The following PARD6G variants were observed in gnomAD, a reference collection of about 807,000 sequenced individuals.
The protein encoded by PARD6G is par-6 family cell polarity regulator gamma.
A neutral mutation model predicts 10.7 loss-of-function variants in PARD6G; 7 were observed. The ratio of observed to expected loss-of-function variants is 0.66; its 90% confidence interval spans 0.37 to 1.23. PARD6G has a LOEUF of 1.23. PARD6G is among the 50% of genes most tolerant of loss of function. PARD6G has a pLI of 0.02. For synonymous variants in PARD6G, 287 were observed against 269.4 expected (o/e 1.07, Z -0.64); for missense variants, 548 against 571.8 (o/e 0.96, Z 0.42).
intron 2 of PARD6G, chr18:80,171,082 G>A (rs1164279167): frequency 6.6e-6 from 1 of 152,108 alleles, no homozygotes; most frequent in Non-Finnish European, 1.5e-5. Flanking sequence ...CAAGTAATCT[G>A]TACTCACTAT....
chr18:80,204,381 T>C (rs1244896785), intron 1 of PARD6G, among the ~76,000 whole-genome samples: 1 of 152,090 alleles, frequency 6.6e-6, no homozygotes, highest in Admixed American at 6.6e-5. Flanking sequence ...AATCTGCATT[T>C]TAACAAGTTC....
chr18:80,196,890 TAAAAAAAAAA>T (rs572719232), intron 2 of PARD6G, among the ~76,000 whole-genome samples: 7 of 88,028 alleles, frequency 8.0e-5, no homozygotes, highest in South Asian at 9.5e-4. Flanking sequence ...TTTCTTTTAT[TAAAAAAAAAA>T]AAAAAAAAAA....
intron 2 of PARD6G, among the ~76,000 whole-genome samples, chr18:80,193,375 T>A (rs1464196201): frequency 6.6e-6 from 1 of 152,222 alleles, no homozygotes; most frequent in Non-Finnish European, 1.5e-5. Context: ...ACCCTTTGAT[T>A]TGAAATTTCT....
At chr18:80,211,068 AT>A (rs779395143) in intron 1 of PARD6G, among the ~76,000 whole-genome samples, 1 of 151,514 alleles carries the variant, frequency 6.6e-6, no homozygotes, top group South Asian at 2.1e-4. Flanking sequence ...ACCCAGTAGC[AT>A]TTTTTTCTTT....
At chr18:80,204,717 G>A (rs1171998555) in intron 1 of PARD6G, among the ~76,000 whole-genome samples, 2 of 152,052 alleles carry the variant, frequency 1.3e-5, no homozygotes, top group African/African-American at 4.8e-5. Context: ...GGGAGGCCAA[G>A]GCGGGCAGAT....
chr18:80,157,551 A>ACTTC lies in PARD6G; in HGVS notation c.*2219_*2220insGAAG, dbSNP rs57167332. 1.9e-5 allele frequency: 1 copy of ACTTC among 51,322 alleles called. No homozygotes were observed. The highest frequency in any genetic ancestry group is 4.3e-5 in the African/African-American group (1 of 23,412). The allele number at this position is 51,322 out of a possible 1,614,324, so 3.2% of individuals were successfully genotyped here. A position where few individuals can be genotyped will look rare whatever the true frequency, so the allele number is the denominator to read the frequency against. On this transcript the variant is annotated 3_prime_UTR_variant, in exon 3 of 3. Coordinates refer to ENST00000353265, the MANE Select transcript of PARD6G (RefSeq NM_032510.4). ...AACAGACATTCAAGAATCAGCAATA[A>ACTTC]CTTAGTAAAAGAACATTTCCTTTGT... is the stretch of plus-strand genomic sequence containing the variant.
intron 1 of PARD6G, among the ~76,000 whole-genome samples, chr18:80,209,174 T>C (rs55956571): frequency 0.19 from 28,746 of 151,664 alleles, 2,927 homozygotes; most frequent in Middle Eastern, 0.29. Flanking sequence ...CACTATGAGC[T>C]GTATCATTTC....
chr18:80,246,613 G>A lies in PARD6G; in HGVS notation c.72+664C>T, dbSNP rs1967551620. 6.7e-6 allele frequency among the ~76,000 whole-genome samples: 1 copy of A among 148,288 alleles called. No homozygotes were observed. The highest frequency in any genetic ancestry group is 1.5e-5 in the Non-Finnish European group (1 of 66,452). Reference sequence around the variant, plus strand: ...GCGCGTCCGGAGGTGGGGGAGTCTGGGGTGGGGGCGCGCCCGTGGGGGTGG... The same window carrying A: ...GCGCGTCCGGAGGTGGGGGAGTCTGAGGTGGGGGCGCGCCCGTGGGGGTGG... On this transcript the variant is annotated intron_variant, in intron 1 of 2. Coordinates refer to ENST00000353265, the MANE Select transcript of PARD6G (RefSeq NM_032510.4). The surrounding 1 kb of genome is among the most constrained non-coding windows in gnomAD (Gnocchi z 6.7).
intron 1 of PARD6G, among the ~76,000 whole-genome samples, chr18:80,235,808 T>C (rs1261458703): frequency 3.3e-5 from 5 of 152,192 alleles, no homozygotes; most frequent in African/African-American, 1.2e-4. Context: ...CAGGAAGAAG[T>C]TGAATCTCTG....
intron 2 of PARD6G, among the ~76,000 whole-genome samples, chr18:80,176,750 C>A (rs562337624): frequency 1.5e-4 from 23 of 152,328 alleles, no homozygotes; most frequent in Non-Finnish European, 2.9e-4. Flanking sequence ...GCAAACAGCT[C>A]ACTAAAGTGG....
rs981160811 is a variant in PARD6G at position 80,181,159 on chromosome 18, T to A, written c.296-20553A>T. On this transcript the variant is annotated intron_variant, in intron 2 of 2. Coordinates refer to ENST00000353265, the MANE Select transcript of PARD6G (RefSeq NM_032510.4). This position sits in a 1 kb window ranked among gnomAD's most constrained non-coding sequence, Gnocchi z 7.9. ...GGGGCGCCACCCTGAAGGCTCAGTCTGTGTGGCAATGACACCCACAGACAA... is the reference window on the plus strand; with the variant it reads ...GGGGCGCCACCCTGAAGGCTCAGTCAGTGTGGCAATGACACCCACAGACAA... Among the ~76,000 whole-genome samples, 20 of 152,284 alleles carry A rather than the reference T, an allele frequency of 1.3e-4. No individual in the cohort carries two copies. Among genetic ancestry groups the A allele is most frequent in the South Asian group, 2.1e-4 (1 of 4,830 alleles).
At chr18:80,190,960 T>G (rs1966891813) in intron 2 of PARD6G, among the ~76,000 whole-genome samples, 1 of 152,126 alleles carries the variant, frequency 6.6e-6, no homozygotes, top group African/African-American at 2.4e-5. Context: ...CCTATAGCCC[T>G]GGGAACGACC....
rs1966910492 is a variant in PARD6G, at chr18:80,192,756, T to C, written c.295+9954A>G. Among the ~76,000 whole-genome samples the C allele has an allele frequency of 6.6e-6, 1 of 151,892 alleles. No homozygotes were observed. Among genetic ancestry groups the C allele is most frequent in the Admixed American group, 6.5e-5 (1 of 15,270 alleles). On this transcript the variant is annotated intron_variant, in intron 2 of 2. Coordinates refer to ENST00000353265, the MANE Select transcript of PARD6G (RefSeq NM_032510.4). The surrounding 1 kb of genome is among the most constrained non-coding windows in gnomAD (Gnocchi z 4.9). The stretch of plus-strand genomic sequence containing the variant: ...GAGATGAGGGTCAACCAGTCCCAAA[T>C]CTCCACTGTTCATTATCTCCTCCTC...
intron 2 of PARD6G, among the ~76,000 whole-genome samples, chr18:80,166,477 T>C (rs2052737130): frequency 1.3e-5 from 2 of 149,806 alleles, no homozygotes; most frequent in Non-Finnish European, 3.0e-5. Context: ...AATCTCCACC[T>C]CCCTTAGAAT....
At chr18:80,176,448 T>G (rs2052808234) in intron 2 of PARD6G, among the ~76,000 whole-genome samples, 1 of 152,192 alleles carries the variant, frequency 6.6e-6, no homozygotes, top group Admixed American at 6.5e-5. Flanking sequence ...CAATGTATAC[T>G]TCCTACTCCC....
At chr18:80,177,082 G>GCA (rs1217419393) in intron 2 of PARD6G, among the ~76,000 whole-genome samples, 18 of 104,490 alleles carry the variant, frequency 1.7e-4, no homozygotes, top group South Asian at 3.3e-4. Flanking sequence ...TGGAAAGCGC[G>GCA]CACACACACA....
intron 2 of PARD6G, among the ~76,000 whole-genome samples, chr18:80,196,913 A>G (rs1348402813): frequency 2.6e-5 from 4 of 151,214 alleles, no homozygotes; most frequent in African/African-American, 9.7e-5. Flanking sequence ...AAAAAAAAAA[A>G]AAAAGAAAAT....
rs1472230633 is a variant in PARD6G at position 80,192,376 on chromosome 18, G to T, written c.295+10334C>A. 6.6e-6 allele frequency among the ~76,000 whole-genome samples: 1 copy of T among 152,148 alleles called. No individual in the cohort carries two copies. The highest frequency in any genetic ancestry group is 1.5e-5 in the Non-Finnish European group (1 of 68,038). On this transcript the variant is annotated intron_variant, in intron 2 of 2. Transcript: ENST00000353265. This position sits in a 1 kb window ranked among gnomAD's most constrained non-coding sequence, Gnocchi z 4.9. ...ATCTGTTTTGGAGCCCTTAGGTGAG[G>T]CCTCAACTGAATGCCAACCCTAACT... is the stretch of plus-strand genomic sequence containing the variant.
rs542430638 is a variant in PARD6G at position 80,183,161 on chromosome 18, A to C, written c.295+19549T>G. On this transcript the variant is annotated intron_variant, in intron 2 of 2. Transcript: ENST00000353265. This position sits in a 1 kb window ranked among gnomAD's most constrained non-coding sequence, Gnocchi z 4.5. Reference sequence around the variant, plus strand: ...GCAGGGCTCCGTCATCTGCAGGAAAATTAGTGAAGAAGTGGAGGGCCTTGC... The same window carrying C: ...GCAGGGCTCCGTCATCTGCAGGAAACTTAGTGAAGAAGTGGAGGGCCTTGC... 1.0e-5 allele frequency: 7 copies of C among 702,862 alleles called. No individual in the cohort carries two copies. Among genetic ancestry groups the C allele is most frequent in the Non-Finnish European group, 1.6e-5 (6 of 384,998 alleles). The allele number at this position is 702,862 out of a possible 1,614,324, so 43.5% of individuals were successfully genotyped here.
Sources: allele counts gnomAD v4.1 joint callset (sites outside exome capture counted in the v4.1 genomes callset), GRCh38; gene constraint gnomAD v4.1.1; non-coding constraint Gnocchi (gnomAD v3.1); transcripts MANE v1.5; gene names NCBI Gene and HGNC (gene_info 2026-07-23, HGNC 2026-07-21).